Variants in P4HA1 observed in about 807,000 individuals in gnomAD.
P4HA1 encodes the protein prolyl 4-hydroxylase subunit alpha 1, also known as prolyl 4-hydroxylase subunit alpha-1.
Under a neutral mutation model 72.8 loss-of-function variants are expected in P4HA1, and 24 were observed. That is an observed-to-expected ratio of 0.33 (90% CI 0.24 to 0.46). The LOEUF (loss-of-function observed/expected upper bound fraction) is 0.46, where lower values mean the gene tolerates loss of function less well. Ranked by LOEUF, P4HA1 falls within the 20% of genes least tolerant of loss-of-function variation. P4HA1 has a pLI of 1.00. For synonymous variants in P4HA1, 201 were observed against 218.8 expected, an observed-to-expected ratio of 0.92 and a Z score of 0.72; for missense variants, 446 against 640.6, an observed-to-expected ratio of 0.70 and a Z score of 3.28.
At chr10:73,079,512 T>G (rs1461679534) in intron 1 of P4HA1, among the ~76,000 whole-genome samples, 2 of 151,978 alleles carry the variant, frequency 1.3e-5, no homozygotes, top group African/African-American at 4.8e-5. Flanking sequence ...GAGGCCAAGG[T>G]GGATGGATCA....
At chr10:73,062,631 C>A (rs576673883) in intron 5 of P4HA1, among the ~76,000 whole-genome samples, 2 of 152,282 alleles carry the variant, frequency 1.3e-5, no homozygotes, top group South Asian at 4.1e-4. Flanking sequence ...ACAAACACAA[C>A]AGTGGTTTCT....
chr10:73,073,389 T>G (rs377718919), intron 3 of P4HA1, among the ~76,000 whole-genome samples: 4 of 151,782 alleles, frequency 2.6e-5, no homozygotes, highest in African/African-American at 9.7e-5. Flanking sequence ...ACCCGACTAG[T>G]TTTGTGTTTT....
intron 4 of P4HA1, among the ~76,000 whole-genome samples, chr10:73,069,240 A>G (rs1841494289): frequency 6.6e-6 from 1 of 152,214 alleles, no homozygotes; most frequent in South Asian, 2.1e-4. Flanking sequence ...TAGCAGGTAA[A>G]GATCACCTAA....
At chr10:73,080,110 T>C (rs768709991) in intron 1 of P4HA1, among the ~76,000 whole-genome samples, 1 of 152,236 alleles carries the variant, frequency 6.6e-6, no homozygotes, top group African/African-American at 2.4e-5. Flanking sequence ...AACTATTGCT[T>C]TGAATCTGTA....
At chr10:73,060,969 G>T (rs1480236462) in intron 5 of P4HA1, among the ~76,000 whole-genome samples, 1 of 152,020 alleles carries the variant, frequency 6.6e-6, no homozygotes, top group African/African-American at 2.4e-5. Context: ...GTAACCAAAT[G>T]GTTCATGAAG....
chr10:73,091,358 G>C lies in P4HA1; in HGVS notation c.-33+5408C>G, dbSNP rs1312060504. Among the ~76,000 whole-genome samples the C allele has an allele frequency of 3.3e-5, 5 of 152,050 alleles. No homozygotes were observed. In the East Asian group the frequency reaches 9.6e-4, roughly 29 times the overall value. On this transcript the variant is annotated intron_variant, in intron 1 of 14. Transcript: ENST00000394890. The stretch of plus-strand genomic sequence containing the variant: ...GCTCTGTCACCCAGGCTGGAGTGGA[G>C]TGGAACAATCAGAGCTCACAGCAGC...
At chr10:73,079,442 C>A (rs1433518394) in intron 1 of P4HA1, among the ~76,000 whole-genome samples, 1 of 151,772 alleles carries the variant, frequency 6.6e-6, no homozygotes, top group Non-Finnish European at 1.5e-5. Flanking sequence ...GACTCTATAC[C>A]CGTAAAAACA....
chr10:73,064,241 C>CG lies in P4HA1; in HGVS notation c.463+4604dup, dbSNP rs967617473. Among the ~76,000 whole-genome samples, 7 of 151,912 alleles carry CG rather than the reference C, an allele frequency of 4.6e-5. No homozygotes were observed. In the East Asian group the frequency reaches 5.8e-4, roughly 13 times the overall value. ...CACCACTTTGGGAGGCTGCGGGGTGCGGGGGGGTGGATTGCTTGAGCTCAG... is the reference window on the plus strand; with the variant it reads ...CACCACTTTGGGAGGCTGCGGGGTGCGGGGGGGGTGGATTGCTTGAGCTCAG... On this transcript the variant is annotated intron_variant, in intron 5 of 14. Coordinates refer to ENST00000394890, the MANE Select transcript of P4HA1 (RefSeq NM_001017962.3).
intron 9 of P4HA1, among the ~76,000 whole-genome samples, chr10:73,041,394 T>C (rs1840729359): frequency 6.6e-6 from 1 of 151,854 alleles, no homozygotes; most frequent in Non-Finnish European, 1.5e-5. Flanking sequence ...ATACAAAAAA[T>C]TAGCCGGGCA....
intron 10 of P4HA1, among the ~76,000 whole-genome samples, chr10:73,023,808 G>GAAAAA (rs1229563598): frequency 1.2e-4 from 10 of 85,192 alleles, no homozygotes; most frequent in East Asian, 6.2e-4. Context: ...CAAATGGAAA[G>GAAAAA]AAAAAAAAAA....
intron 3 of P4HA1, 67 bp from the exon 4 acceptor site, chr10:73,072,247 G>T: frequency 7.6e-7 from 1 of 1,318,846 alleles, no homozygotes; most frequent in Non-Finnish European, 1.0e-6. Flanking sequence ...TTAATGAAAC[G>T]CTCAGAAAAA....
intron 12 of P4HA1, among the ~76,000 whole-genome samples, chr10:73,012,642 AG>A (rs1839930820): frequency 1.3e-5 from 2 of 151,808 alleles, no homozygotes; most frequent in East Asian, 3.9e-4. Context: ...GGAAGGTAGC[AG>A]GAAGAGAAAA....
rs1315764447 is a variant in P4HA1 at position 73,011,056 on chromosome 10, T to C, written c.1369-19A>G. On this transcript the variant is annotated intron_variant, in intron 12 of 14. Coordinates refer to ENST00000394890, the MANE Select transcript of P4HA1 (RefSeq NM_001017962.3). The stretch of plus-strand genomic sequence containing the variant: ...CACTCATCTATAAGAAACAAGAGGG[T>C]GTTATCAAAAGTGCTGGTAGAATAA... The C allele has an allele frequency of 5.6e-6, 9 of 1,598,938 alleles. No individual in the cohort carries two copies. The highest frequency in any genetic ancestry group is 1.3e-5 in the African/African-American group (1 of 74,394).
chr10:73,092,463 C>G (rs1164059221), intron 1 of P4HA1, among the ~76,000 whole-genome samples: 1 of 150,164 alleles, frequency 6.7e-6, no homozygotes, highest in Non-Finnish European at 1.5e-5. Flanking sequence ...GACCCTCCCA[C>G]CTCAGCCTCC....
At chr10:73,022,305 G>A (rs1840154984) in intron 10 of P4HA1, among the ~76,000 whole-genome samples, 1 of 152,124 alleles carries the variant, frequency 6.6e-6, no homozygotes, top group African/African-American at 2.4e-5. Context: ...GAAGGATCAG[G>A]CAGCAATATT....
chr10:73,019,730 G>GAAAAAAAAAAAAA lies in P4HA1; in HGVS notation c.1249-2844_1249-2832dup, dbSNP rs3066045. ...GGCGACAGAGCGAGACTCTGTCTCAGAAAAAAAAAAAAAAAAAGAATTCAA... is the reference window on the plus strand; with the variant it reads ...GGCGACAGAGCGAGACTCTGTCTCAGAAAAAAAAAAAAAAAAAAAAAAAAAAAAAAGAATTCAA... On this transcript the variant is annotated intron_variant, in intron 10 of 14. Coordinates refer to ENST00000394890, the MANE Select transcript of P4HA1 (RefSeq NM_001017962.3). Among the ~76,000 whole-genome samples, 68 of 65,214 alleles carry GAAAAAAAAAAAAA rather than the reference G, an allele frequency of 1.0e-3. 12 individuals carry two copies. The highest frequency in any genetic ancestry group is 5.6e-3 in the African/African-American group (66 of 11,876). 42.8% of individuals were successfully genotyped at this position (65,214 alleles called of 152,430 possible).
At chr10:73,030,231 T>C (rs1172326774) in intron 10 of P4HA1, 40 bp downstream of exon 10, 1 of 1,030,192 alleles carries the variant, frequency 9.7e-7, no homozygotes, top group East Asian at 2.5e-5. Flanking sequence ...AAGCATCTCC[T>C]GAAGTGTAAA....
chr10:73,008,646 TTATG>T (rs980939203), intron 14 of P4HA1, among the ~76,000 whole-genome samples: 47 of 152,196 alleles, frequency 3.1e-4, no homozygotes, highest in African/African-American at 1.1e-3. Context: ...GAATATTGCT[TTATG>T]TATTGTTTTC....
chr10:73,088,721 ATTG>A (rs1841970341), intron 1 of P4HA1, among the ~76,000 whole-genome samples: 2 of 152,190 alleles, frequency 1.3e-5, no homozygotes, highest in African/African-American at 2.4e-5. Context: ...TAAAACAAAG[ATTG>A]TTTTTTCTTT....
Sources: allele counts gnomAD v4.1 joint callset (sites outside exome capture counted in the v4.1 genomes callset), GRCh38; gene constraint gnomAD v4.1.1; transcripts MANE v1.5; gene names NCBI Gene and HGNC (gene_info 2026-07-23, HGNC 2026-07-21).